The following ASAH1 variants were observed in gnomAD, a reference collection of about 807,000 sequenced individuals.
The protein encoded by ASAH1 is acid ceramidase.
Under a neutral mutation model 59.5 loss-of-function variants are expected in ASAH1, and 70 were observed. The ratio of observed to expected loss-of-function variants is 1.18; its 90% CI spans 0.97 to 1.43. The LOEUF (loss-of-function observed/expected upper bound fraction) is 1.43, where lower values mean the gene tolerates loss of function less well. ASAH1 is among the 40% of genes most tolerant of loss of function. ASAH1 has a pLI of 0.00. For missense variants in ASAH1, 660 were observed against 482.5 expected, an observed-to-expected ratio of 1.37 and a Z score of -3.45; for synonymous variants, 213 against 166.5, an observed-to-expected ratio of 1.28 and a Z score of -2.15.
intron 2 of ASAH1, among the ~76,000 whole-genome samples, chr8:18,074,977 T>C (rs1357477494): frequency 1.3e-5 from 2 of 151,934 alleles, no homozygotes; most frequent in Non-Finnish European, 2.9e-5. Flanking sequence ...GACAGGAGAA[T>C]TGAGTGGAGA....
intron 1 of ASAH1, among the ~76,000 whole-genome samples, chr8:18,077,855 T>C (rs2117086196): frequency 6.6e-6 from 1 of 152,356 alleles, no homozygotes; most frequent in South Asian, 2.1e-4. Flanking sequence ...GATACTCCGC[T>C]TTACATTTTC....
intron 7 of ASAH1, 61 bp from the exon 8 acceptor site, chr8:18,062,484 T>C: frequency 2.5e-6 from 4 of 1,582,186 alleles, no homozygotes; most frequent in Admixed American, 1.7e-5. Flanking sequence ...ATCAACATGA[T>C]GATGAGGGCC....
chr8:18,064,939 G>C (rs186306646), intron 5 of ASAH1: 1 of 170,838 alleles, frequency 5.9e-6, no homozygotes, highest in Admixed American at 5.8e-5. Flanking sequence ...TGAAAAAGGA[G>C]ATTCAAGAAC....
chr8:18,064,347 T>C (rs1799837026), intron 6 of ASAH1, 110 bp downstream of exon 6: 2 of 850,722 alleles, frequency 2.4e-6, no homozygotes, highest in Non-Finnish European at 3.8e-6. Flanking sequence ...GTATGCAACA[T>C]ACACAGAATT....
intron 4 of ASAH1, chr8:18,069,500 G>A (rs1397664083): frequency 9.5e-6 from 3 of 314,488 alleles, no homozygotes; most frequent in African/African-American, 6.5e-5. Flanking sequence ...GTCTTCAATA[G>A]TGAACTCACT....
chr8:18,072,531 T>G (rs1245229186), intron 2 of ASAH1, among the ~76,000 whole-genome samples: 1 of 152,148 alleles, frequency 6.6e-6, no homozygotes. Context: ...ATTTTGGAAA[T>G]GTACATTTAA....
At chr8:18,084,954 T>C, upstream of ASAH1, 1 of 1,140,414 alleles carries the variant, frequency 8.8e-7, no homozygotes, top group Non-Finnish European at 1.3e-6. Context: ...GTGACCGGGT[T>C]GGATTTCAAA....
chr8:18,061,546 A>G, intron 9 of ASAH1, 88 bp from the exon 10 acceptor site: 1 of 1,440,624 alleles, frequency 6.9e-7, no homozygotes, highest in Non-Finnish European at 9.8e-7. Context: ...CTATATAACC[A>G]GTCAGGAACC....
At chr8:18,084,901 C>G (rs1373931806), upstream of ASAH1, 145 of 1,524,094 alleles carry the variant, frequency 9.5e-5, 1 homozygote, top group South Asian at 1.6e-3. Flanking sequence ...CAGGGGGACT[C>G]GCTTGGCTTT....
intron 4 of ASAH1, chr8:18,069,540 A>C: frequency 2.4e-6 from 1 of 409,272 alleles, no homozygotes; most frequent in South Asian, 2.6e-5. Flanking sequence ...CCACACTCCC[A>C]GATGAAATAT....
chr8:18,059,757 T>A, intron 10 of ASAH1, 54 bp from the exon 11 acceptor site: 1 of 1,477,720 alleles, frequency 6.8e-7, no homozygotes, highest in South Asian at 1.2e-5. Flanking sequence ...TTTTAGTAAA[T>A]AACTTCATTT....
In ASAH1 at chr8:18,067,447, T is replaced by C. The variant is rs942884835; in HGVS notation, c.304-149A>G. On this transcript the variant is annotated intron_variant, in intron 4 of 13. Coordinates refer to ENST00000637790, the MANE Select transcript of ASAH1 (RefSeq NM_177924.5). ...TAGATACTGCTATCATAATAAGTGA[T>C]AGGAATTATTTTTTAAAGCATTTTT... The C allele has an allele frequency of 3.0e-5, 11 of 371,444 alleles. No homozygotes were observed. In the East Asian group the frequency reaches 3.6e-4, roughly 12 times the overall value. The allele number at this position is 371,444 out of a possible 1,614,324, so 23.0% of individuals were successfully genotyped here.
intron 5 of ASAH1, chr8:18,065,628 G>A (rs745510593): frequency 2.0e-5 from 3 of 151,994 alleles, no homozygotes; most frequent in Middle Eastern, 3.2e-3. Flanking sequence ...TAATTTTAAC[G>A]AATGGCATGT....
At chr8:18,062,990 C>A in intron 7 of ASAH1, 195 bp downstream of exon 7, 1 of 579,796 alleles carries the variant, frequency 1.7e-6, no homozygotes, top group Non-Finnish European at 3.1e-6. Context: ...CTGCCTCAGG[C>A]TCCCAAGTAG....
intron 8 of ASAH1, chr8:18,062,029 C>G (rs1799724932): frequency 4.8e-6 from 3 of 620,970 alleles, no homozygotes; most frequent in Non-Finnish European, 5.6e-6. Context: ...GACTAGAAAT[C>G]AGATTGTGAC....
In ASAH1 at chr8:18,056,380, G is replaced by C. The variant is rs528099277; in HGVS notation, c.*1154C>G. 1.3e-5 allele frequency: 2 copies of C among 152,186 alleles called. No individual in the cohort carries two copies. The highest frequency in any genetic ancestry group is 3.9e-4 in the East Asian group (2 of 5,182). 9.4% of individuals were successfully genotyped at this position (152,186 alleles called of 1,614,324 possible). A position where few individuals can be genotyped will look rare whatever the true frequency, so the allele number is the denominator to read the frequency against. ...ATACGATGTTCAGCTTGTATTTCTT[G>C]ATAATAACCCCCCTCCTCCAAACCA... On this transcript the variant is annotated 3_prime_UTR_variant, in exon 14 of 14. Coordinates refer to ENST00000637790, the MANE Select transcript of ASAH1 (RefSeq NM_177924.5).
At chr8:18,063,026 T>C (rs1799772841) in intron 7 of ASAH1, 159 bp downstream of exon 7, 3 of 668,894 alleles carry the variant, frequency 4.5e-6, no homozygotes, top group African/African-American at 1.8e-5. Context: ...CCCACCACCA[T>C]GCCTGGCTAA....
intron 11 of ASAH1, 48 bp downstream of exon 11, chr8:18,059,524 A>G (rs753916004): frequency 1.9e-6 from 3 of 1,614,004 alleles, no homozygotes; most frequent in Non-Finnish European, 2.5e-6. Flanking sequence ...AAAGTATATC[A>G]GTGTATGCTT....
At chr8:18,071,463 G>A in intron 2 of ASAH1, 73 bp from the exon 3 acceptor site, 3 of 991,654 alleles carry the variant, frequency 3.0e-6, no homozygotes, top group Non-Finnish European at 4.6e-6. Flanking sequence ...ACATCTATAA[G>A]AATATATGAG....
Sources: gnomAD v4.1 joint callset for allele counts (sites outside exome capture counted in the v4.1 genomes callset) on GRCh38, gnomAD v4.1.1 for gene constraint, MANE v1.5 for transcripts, NCBI Gene and HGNC (gene_info 2026-07-23, HGNC 2026-07-21) for gene names.